STK33: variants seen among roughly 807,000 people sequenced by gnomAD.
STK33 encodes the protein serine/threonine-protein kinase 33.
Under a neutral mutation model 58.0 loss-of-function variants are expected in STK33, and 52 were observed. The ratio of observed to expected loss-of-function variants is 0.90; its 90% CI spans 0.72 to 1.13. The LOEUF (loss-of-function observed/expected upper bound fraction) is 1.13, where lower values mean the gene tolerates loss of function less well. Among genes scored for constraint, STK33 ranks in the 50% most tolerant of loss-of-function variants. STK33 has a pLI of 0.00. For missense variants in STK33, 630 were observed against 604.2 expected, an observed-to-expected ratio of 1.04 and a Z score of -0.45; for synonymous variants, 215 against 200.1, an observed-to-expected ratio of 1.07 and a Z score of -0.63.
intron 1 of STK33, among the ~76,000 whole-genome samples, chr11:8,549,245 C>G (rs1404030189): frequency 6.6e-6 from 1 of 151,998 alleles, no homozygotes; most frequent in Admixed American, 6.6e-5. Context: ...AATTTTTATT[C>G]TTGATTCTGT....
chr11:8,588,947 T>C (rs1391150772), intron 1 of STK33, among the ~76,000 whole-genome samples: 1 of 152,044 alleles, frequency 6.6e-6, no homozygotes, highest in Non-Finnish European at 1.5e-5. Flanking sequence ...ATCAGGAAAA[T>C]GTAAATCAAA....
chr11:8,434,845 T>G (rs1237169602), intron 14 of STK33, among the ~76,000 whole-genome samples: 1 of 152,212 alleles, frequency 6.6e-6, no homozygotes, highest in Non-Finnish European at 1.5e-5. Flanking sequence ...GGGAAGAGCC[T>G]TTTAACTGGA....
chr11:8,372,993 A>G, the STK33 span, among the ~76,000 whole-genome samples: 1 of 152,184 alleles, frequency 6.6e-6, no homozygotes, highest in African/African-American at 2.4e-5. Context: ...TTCTGCATTT[A>G]GCGCTTTGGG....
chr11:8,351,420 A>G, the STK33 span, among the ~76,000 whole-genome samples: 1 of 152,186 alleles, frequency 6.6e-6, no homozygotes, highest in Non-Finnish European at 1.5e-5. Flanking sequence ...GGTGGCCATC[A>G]GCCTCTGCCC....
At chr11:8,575,265 C>G (rs1483173408) in intron 1 of STK33, among the ~76,000 whole-genome samples, 6 of 152,166 alleles carry the variant, frequency 3.9e-5, no homozygotes, top group Non-Finnish European at 7.4e-5. Context: ...TGCAAAGGAA[C>G]TGAAAGCAGG....
At chr11:8,587,223 T>C (rs2031818774) in intron 1 of STK33, among the ~76,000 whole-genome samples, 2 of 152,354 alleles carry the variant, frequency 1.3e-5, no homozygotes, top group South Asian at 2.1e-4. Context: ...TTTAATTGCA[T>C]TTATACAAAT....
the STK33 span, among the ~76,000 whole-genome samples, chr11:8,340,590 A>G: frequency 6.6e-6 from 1 of 152,108 alleles, no homozygotes; most frequent in Non-Finnish European, 1.5e-5. Context: ...TGTCCCAGGT[A>G]CAATGCAGGC....
chr11:8,423,900 T>C (rs1942314334), intron 14 of STK33, among the ~76,000 whole-genome samples: 1 of 152,074 alleles, frequency 6.6e-6, no homozygotes, highest in South Asian at 2.1e-4. Flanking sequence ...ATTATTAAAA[T>C]TACTATATAA....
intron 1 of STK33, among the ~76,000 whole-genome samples, chr11:8,572,045 T>A (rs146247981): frequency 0.65 from 40,602 of 62,210 alleles, 11,052 homozygotes; most frequent in South Asian, 0.73. Flanking sequence ...ATAAATTAAT[T>A]AATTAATTAA....
intron 1 of STK33, among the ~76,000 whole-genome samples, chr11:8,500,722 G>C (rs1951452564): frequency 6.6e-6 from 1 of 152,084 alleles, no homozygotes; most frequent in Non-Finnish European, 1.5e-5. Context: ...ATTTACGATA[G>C]CAAAAACAAT....
At chr11:8,527,322 C>A (rs1591637191) in intron 1 of STK33, among the ~76,000 whole-genome samples, 1 of 152,034 alleles carries the variant, frequency 6.6e-6, no homozygotes, top group Non-Finnish European at 1.5e-5. Context: ...ACTGGCTGGG[C>A]CCTGAGGCAG....
chr11:8,452,032 G>C (rs906876482), intron 11 of STK33, among the ~76,000 whole-genome samples: 1 of 152,032 alleles, frequency 6.6e-6, no homozygotes, highest in Non-Finnish European at 1.5e-5. Context: ...GCAAAAACCT[G>C]TCTCTACTAA....
intron 2 of STK33, among the ~76,000 whole-genome samples, chr11:8,479,949 T>G (rs1432965643): frequency 6.6e-6 from 1 of 152,188 alleles, no homozygotes; most frequent in Non-Finnish European, 1.5e-5. Context: ...TTTTGAGTGT[T>G]GATTTTGTGG....
chr11:8,566,431 A>T (rs1246440942), intron 1 of STK33, among the ~76,000 whole-genome samples: 1 of 152,258 alleles, frequency 6.6e-6, no homozygotes, highest in Non-Finnish European at 1.5e-5. Context: ...GTCCTTGACT[A>T]AATTAAATGA....
intron 1 of STK33, among the ~76,000 whole-genome samples, chr11:8,518,629 T>C (rs1953056447): frequency 6.6e-6 from 1 of 151,928 alleles, no homozygotes; most frequent in African/African-American, 2.4e-5. Context: ...AGGCTCAAAA[T>C]AAAGGGATGG....
the STK33 span, among the ~76,000 whole-genome samples, chr11:8,354,169 T>C: frequency 6.6e-6 from 1 of 151,868 alleles, no homozygotes; most frequent in South Asian, 2.1e-4. Flanking sequence ...TCTCCTCCTC[T>C]CCTCCTTGCT....
chr11:8,464,155 ATCG>A (rs1055116524), intron 7 of STK33, among the ~76,000 whole-genome samples: 3 of 152,186 alleles, frequency 2.0e-5, no homozygotes, highest in Non-Finnish European at 4.4e-5. Context: ...CTTAGATTTT[ATCG>A]TCAAGAGAAG....
At chr11:8,537,880 T>C (rs1296376789) in intron 1 of STK33, among the ~76,000 whole-genome samples, 2 of 149,098 alleles carry the variant, frequency 1.3e-5, no homozygotes, top group Admixed American at 6.7e-5. Flanking sequence ...AATCAGAAGT[T>C]TTCTTGAGTA....
At chr11:8,574,978 G>A (rs1958079165) in intron 1 of STK33, among the ~76,000 whole-genome samples, 1 of 152,100 alleles carries the variant, frequency 6.6e-6, no homozygotes, top group Non-Finnish European at 1.5e-5. Flanking sequence ...CCAGGAGTTT[G>A]AAGCTACACT....
Sources: gnomAD v4.1 joint callset for allele counts (sites outside exome capture counted in the v4.1 genomes callset) on GRCh38, gnomAD v4.1.1 for gene constraint, MANE v1.5 for transcripts, NCBI Gene and HGNC (gene_info 2026-07-23, HGNC 2026-07-21) for gene names.